Variants in SLC30A7 observed in about 807,000 individuals in gnomAD.
SLC30A7 encodes solute carrier family 30 member 7, also known as zinc transporter 7.
Under a neutral mutation model 46.0 loss-of-function variants are expected in SLC30A7, and 35 were observed. The ratio of observed to expected loss-of-function variants is 0.76; its 90% CI spans 0.58 to 1.01. The LOEUF is 1.01. Ranked by LOEUF, SLC30A7 falls within the 50% of genes least tolerant of loss-of-function variation. The pLI is 0.00. For missense variants in SLC30A7, 464 were observed against 451.1 expected (o/e 1.03, Z -0.26); for synonymous variants, 147 against 157.8 (o/e 0.93, Z 0.51).
At chr1:100,915,444 C>G (rs539551273) in intron 6 of SLC30A7, among the ~76,000 whole-genome samples, 1 of 152,048 alleles carries the variant, frequency 6.6e-6, no homozygotes. Flanking sequence ...TTCCAACTTC[C>G]TCCAACCACT....
At chr1:100,939,283 C>T (rs755924556) in intron 8 of SLC30A7, among the ~76,000 whole-genome samples, 12 of 151,682 alleles carry the variant, frequency 7.9e-5, no homozygotes, top group South Asian at 2.1e-4. Flanking sequence ...CTGTAAAGCC[C>T]GTGAAAGTTG....
chr1:100,955,084 T>A (rs1426554369), intron 8 of SLC30A7, among the ~76,000 whole-genome samples: 1 of 152,080 alleles, frequency 6.6e-6, no homozygotes, highest in East Asian at 1.9e-4. Context: ...TTCTCAGATC[T>A]AAGTAATAAT....
chr1:100,986,022 C>T (rs1657245506), downstream of SLC30A7, among the ~76,000 whole-genome samples: 1 of 152,164 alleles, frequency 6.6e-6, no homozygotes, highest in South Asian at 2.1e-4. Flanking sequence ...TGAACTGATG[C>T]TTCATCAAAT....
intron 8 of SLC30A7, among the ~76,000 whole-genome samples, chr1:100,949,668 C>A (rs140613711): frequency 6.6e-6 from 1 of 152,154 alleles, no homozygotes; most frequent in Non-Finnish European, 1.5e-5. Flanking sequence ...GTGGGCCCCT[C>A]CCAGTTTGAG....
intron 5 of SLC30A7, 119 bp downstream of exon 5, chr1:100,912,357 T>A: frequency 8.5e-7 from 1 of 1,172,882 alleles, no homozygotes; most frequent in South Asian, 1.5e-5. Flanking sequence ...TATGTGAATA[T>A]CTTCCTGAAC....
chr1:100,958,803 C>T (rs1402239264), intron 8 of SLC30A7, among the ~76,000 whole-genome samples: 7 of 152,154 alleles, frequency 4.6e-5, no homozygotes, highest in Admixed American at 4.6e-4. Context: ...ATAATTCCTA[C>T]CTTAAAGCAG....
intron 8 of SLC30A7, among the ~76,000 whole-genome samples, chr1:100,927,101 T>C (rs1380920742): frequency 6.6e-6 from 1 of 152,170 alleles, no homozygotes; most frequent in African/African-American, 2.4e-5. Context: ...GAGTGGTAGA[T>C]ACATGTTTAT....
At chr1:100,967,231 A>T (rs954653636) in intron 10 of SLC30A7, among the ~76,000 whole-genome samples, 1 of 152,210 alleles carries the variant, frequency 6.6e-6, no homozygotes, top group Admixed American at 6.5e-5. Context: ...CCATTTTGGC[A>T]CCAGGGACCG....
chr1:100,990,653 G>A, the SLC30A7 span: 6 of 1,601,082 alleles, frequency 3.7e-6, no homozygotes, highest in South Asian at 2.2e-5. Context: ...AAAAGATACT[G>A]CTATTCAATT....
rs1650918602 is a variant in SLC30A7 at position 100,896,290 on chromosome 1, G to C, written c.28G>C (p.Glu10Gln). ...GTTGCCCCTGTCCATCAAAGACGAT[G>C]AATACAAACCACCCAAGTTCAATTT... The part of the protein sequence containing the change: MLPLSIKDD[E>Q]YKPPKFNLFG... The change falls in exon 1 of 11, where the codon GAA becomes CAA. Residue 10 changes from glutamate (E) to glutamine (Q), a missense_variant. Coordinates refer to ENST00000357650, the MANE Select transcript of SLC30A7 (RefSeq NM_133496.5). The C allele has an allele frequency of 1.2e-6, 2 of 1,614,104 alleles. No homozygotes were observed. Among genetic ancestry groups the C allele is most frequent in the African/African-American group, 1.3e-5 (1 of 74,938 alleles).
Position 100,964,789 on chromosome 1 carries a change from A to T in SLC30A7, c.934-980A>T, listed in dbSNP as rs567100724. On this transcript the variant is annotated intron_variant, in intron 9 of 10. Coordinates refer to ENST00000357650, the MANE Select transcript of SLC30A7 (RefSeq NM_133496.5). ...TCAGCTTAAGGCCTCATCCATGAGG[A>T]TGCCATGTAGAAAGAGTGGAGGGAT... Among the ~76,000 whole-genome samples the T allele has an allele frequency of 3.3e-5, 5 of 152,314 alleles. No individual in the cohort carries two copies. In the South Asian group the frequency reaches 1.0e-3, roughly 32 times the overall value.
Position 100,978,342 on chromosome 1 carries a change from GT to G in SLC30A7, c.*3490del, listed in dbSNP as rs1656694944. 1 of 152,106 alleles carries G rather than the reference GT, an allele frequency of 6.6e-6. No individual in the cohort carries two copies. Among genetic ancestry groups the G allele is most frequent in the African/African-American group, 2.4e-5 (1 of 41,402 alleles). The allele number at this position is 152,106 out of a possible 1,614,324, so 9.4% of individuals were successfully genotyped here. A position where few individuals can be genotyped will look rare whatever the true frequency, so the allele number is the denominator to read the frequency against. On this transcript the variant is annotated 3_prime_UTR_variant, in exon 11 of 11. Coordinates refer to ENST00000357650, the MANE Select transcript of SLC30A7 (RefSeq NM_133496.5). ...ATGTATTTGATCACAGTTCTATAAT[GT>G]TTTTACCTACCTATTATGGAATAAT... is the stretch of plus-strand genomic sequence containing the variant.
At chr1:100,986,136 A>G (rs1657253412), downstream of SLC30A7, among the ~76,000 whole-genome samples, 2 of 152,234 alleles carry the variant, frequency 1.3e-5, no homozygotes, top group South Asian at 4.1e-4. Context: ...GCGGCCAGGC[A>G]CAGTGGCTCA....
chr1:100,950,791 T>C (rs1009483743), intron 8 of SLC30A7, among the ~76,000 whole-genome samples: 2 of 152,164 alleles, frequency 1.3e-5, no homozygotes, highest in Admixed American at 1.3e-4. Flanking sequence ...AATCCTATTT[T>C]AGTTTGGGTT....
At chr1:100,941,108 C>A in intron 8 of SLC30A7, 1 of 325,170 alleles carries the variant, frequency 3.1e-6, no homozygotes, top group South Asian at 3.2e-5. Context: ...CCTCCACCAC[C>A]ATAGGGGCCA....
intron 2 of SLC30A7, among the ~76,000 whole-genome samples, chr1:100,905,274 T>G (rs1177911626): frequency 6.6e-6 from 1 of 152,128 alleles, no homozygotes; most frequent in Non-Finnish European, 1.5e-5. Flanking sequence ...AAAAACATGC[T>G]ATAAATTTTA....
At chr1:100,957,317 T>C (rs1655282421) in intron 8 of SLC30A7, among the ~76,000 whole-genome samples, 1 of 152,230 alleles carries the variant, frequency 6.6e-6, no homozygotes, top group Non-Finnish European at 1.5e-5. Context: ...CTGGATTTTC[T>C]ATCATGATAG....
intron 9 of SLC30A7, among the ~76,000 whole-genome samples, chr1:100,963,598 G>A (rs1446158635): frequency 6.6e-6 from 1 of 152,114 alleles, no homozygotes; most frequent in Non-Finnish European, 1.5e-5. Flanking sequence ...AGGAAAGAGG[G>A]TATTTTTTGT....
chr1:100,908,410 A>G (rs1017635917), intron 3 of SLC30A7, among the ~76,000 whole-genome samples: 7 of 152,204 alleles, frequency 4.6e-5, no homozygotes, highest in South Asian at 2.1e-4. Context: ...CTCTTGGGCA[A>G]ACAGTTCTGT....
Sources: allele counts gnomAD v4.1 joint callset (sites outside exome capture counted in the v4.1 genomes callset), GRCh38; gene constraint gnomAD v4.1.1; transcripts MANE v1.5; gene names NCBI Gene and HGNC (gene_info 2026-07-23, HGNC 2026-07-21).